PRKAR2B: variants seen among roughly 807,000 people sequenced by gnomAD.
The protein encoded by PRKAR2B is cAMP-dependent protein kinase type II-beta regulatory subunit.
A neutral mutation model predicts 49.9 loss-of-function variants in PRKAR2B; 14 were observed. The ratio of observed to expected loss-of-function variants is 0.28; its 90% CI spans 0.19 to 0.44. The LOEUF (loss-of-function observed/expected upper bound fraction) is 0.44, where lower values mean the gene tolerates loss of function less well. Among genes scored for constraint, PRKAR2B ranks in the 20% least tolerant of loss-of-function variants. The pLI, the probability that PRKAR2B is intolerant of heterozygous loss-of-function variation, is 1.00. For synonymous variants in PRKAR2B, 196 were observed against 197.7 expected, an observed-to-expected ratio of 0.99 and a Z score of 0.07; for missense variants, 393 against 537.9, an observed-to-expected ratio of 0.73 and a Z score of 2.67.
chr7:107,085,363 T>C (rs1794599144), intron 2 of PRKAR2B, among the ~76,000 whole-genome samples: 1 of 152,218 alleles, frequency 6.6e-6, no homozygotes, highest in African/African-American at 2.4e-5. Flanking sequence ...AGGTCATGTT[T>C]CTCACTGTAA....
chr7:107,076,712 A>T (rs1794405392), intron 2 of PRKAR2B, among the ~76,000 whole-genome samples: 1 of 152,212 alleles, frequency 6.6e-6, no homozygotes, highest in African/African-American at 2.4e-5. Flanking sequence ...TAGTATGAAC[A>T]TATAATTTTG....
chr7:107,154,852 ACTTTT>A (rs1017737777), intron 8 of PRKAR2B, among the ~76,000 whole-genome samples: 1 of 152,214 alleles, frequency 6.6e-6, no homozygotes, highest in Non-Finnish European at 1.5e-5. Flanking sequence ...GTAGAGCAAC[ACTTTT>A]CTTTTAGAAG....
intron 2 of PRKAR2B, among the ~76,000 whole-genome samples, chr7:107,087,586 G>T (rs1171764402): frequency 1.3e-5 from 2 of 152,134 alleles, no homozygotes; most frequent in Non-Finnish European, 2.9e-5. Flanking sequence ...ATCCAGAGAG[G>T]TTAAGTCCTT....
intron 6 of PRKAR2B, among the ~76,000 whole-genome samples, chr7:107,150,281 T>C (rs1166325709): frequency 6.6e-6 from 1 of 152,176 alleles, no homozygotes; most frequent in Admixed American, 6.5e-5. Flanking sequence ...AGGAACATTT[T>C]AGACTGTGAA....
intron 7 of PRKAR2B, among the ~76,000 whole-genome samples, 162 bp from the exon 8 acceptor site, chr7:107,153,015 T>A (rs903731376): frequency 6.6e-6 from 1 of 152,218 alleles, no homozygotes; most frequent in Admixed American, 6.5e-5. Context: ...TTATGAAAAA[T>A]TATTTTAAAA....
intron 8 of PRKAR2B, 131 bp from the exon 9 acceptor site, chr7:107,156,853 C>G (rs1483989546): frequency 7.8e-6 from 6 of 768,088 alleles, no homozygotes; most frequent in Non-Finnish European, 1.3e-5. Flanking sequence ...AGCTTGTTCC[C>G]TTAGGATTTC....
At chr7:107,132,529 G>A (rs1795621127) in intron 4 of PRKAR2B, among the ~76,000 whole-genome samples, 1 of 152,072 alleles carries the variant, frequency 6.6e-6, no homozygotes, top group Admixed American at 6.6e-5. Context: ...AAATGGGCCT[G>A]AACTCCAGGG....
At chr7:107,133,765 TTTAA>T (rs1444459275) in intron 4 of PRKAR2B, 1 of 152,226 alleles carries the variant, frequency 6.6e-6, no homozygotes, top group Non-Finnish European at 1.5e-5. Flanking sequence ...ATGTTCTCAG[TTTAA>T]TTAGAGTTTT....
At position 107,098,504 on chromosome 7, in the gene PRKAR2B, G is replaced by A. The variant is rs573936316; in HGVS notation, c.344-23448G>A. Among the ~76,000 whole-genome samples, 14 of 152,218 alleles carry A rather than the reference G, an allele frequency of 9.2e-5. No homozygotes were observed. The South Asian group carries it at 2.1e-3, about 23-fold the overall frequency. ...TTGTTATTACTGATTGTCTGAAGCC[G>A]CCTTCTCTCAACTCGTCAAAGTCAT... is the stretch of plus-strand genomic sequence containing the variant. On this transcript the variant is annotated intron_variant, in intron 2 of 10. Transcript: ENST00000265717.
chr7:107,132,924 A>G (rs1795628809), intron 4 of PRKAR2B, among the ~76,000 whole-genome samples: 1 of 152,188 alleles, frequency 6.6e-6, no homozygotes, highest in African/African-American at 2.4e-5. Context: ...TTTCATGAAT[A>G]TTTTAATGCT....
chr7:107,115,668 G>T (rs1340906654), intron 2 of PRKAR2B, among the ~76,000 whole-genome samples: 1 of 152,214 alleles, frequency 6.6e-6, no homozygotes, highest in Non-Finnish European at 1.5e-5. Flanking sequence ...AAGAGAGAGG[G>T]AGAGAGAGAA....
intron 6 of PRKAR2B, among the ~76,000 whole-genome samples, chr7:107,147,986 C>T (rs1795922397): frequency 6.6e-6 from 1 of 152,146 alleles, no homozygotes; most frequent in Admixed American, 6.5e-5. Context: ...TTTTACATTT[C>T]TTTTAATTGG....
At chr7:107,153,308 G>A in intron 8 of PRKAR2B, 57 bp downstream of exon 8, 1 of 1,264,852 alleles carries the variant, frequency 7.9e-7, no homozygotes, top group Admixed American at 2.2e-5. Context: ...GGTTCCTGTA[G>A]TGGTAGATCT....
chr7:107,147,120 G>A (rs1053762690), intron 6 of PRKAR2B, among the ~76,000 whole-genome samples: 1 of 151,982 alleles, frequency 6.6e-6, no homozygotes, highest in Admixed American at 6.6e-5. Flanking sequence ...TCAGGAGATC[G>A]AGACCACGGT....
chr7:107,099,661 C>A (rs1417852113), intron 2 of PRKAR2B, among the ~76,000 whole-genome samples: 2 of 144,122 alleles, frequency 1.4e-5, no homozygotes, highest in Non-Finnish European at 3.0e-5. Flanking sequence ...TTTTTTGAGA[C>A]GGAGTCTCAC....
intron 3 of PRKAR2B, among the ~76,000 whole-genome samples, chr7:107,127,870 T>A (rs1052366735): frequency 2.6e-5 from 4 of 152,200 alleles, no homozygotes; most frequent in Non-Finnish European, 4.4e-5. Context: ...TTTGTACGGG[T>A]CCCCACTGGC....
At chr7:107,047,180 A>G (rs1428369296) in intron 1 of PRKAR2B, among the ~76,000 whole-genome samples, 1 of 152,202 alleles carries the variant, frequency 6.6e-6, no homozygotes, top group Non-Finnish European at 1.5e-5. Context: ...ATACAATTTG[A>G]TCATTATCCA....
chr7:107,080,646 A>G (rs1794497365), intron 2 of PRKAR2B, among the ~76,000 whole-genome samples: 1 of 152,226 alleles, frequency 6.6e-6, no homozygotes, highest in Non-Finnish European at 1.5e-5. Context: ...TTTTTAGATT[A>G]TAATTTATTC....
At chr7:107,139,029 C>T (rs1795747918) in intron 4 of PRKAR2B, among the ~76,000 whole-genome samples, 1 of 152,126 alleles carries the variant, frequency 6.6e-6, no homozygotes, top group Admixed American at 6.6e-5. Flanking sequence ...TTTTTAATTT[C>T]CAAGCCACCC....
Sources: allele counts gnomAD v4.1 joint callset (sites outside exome capture counted in the v4.1 genomes callset), GRCh38; gene constraint gnomAD v4.1.1; transcripts MANE v1.5; gene names NCBI Gene and HGNC (gene_info 2026-07-23, HGNC 2026-07-21).